Variants in ATP10B observed in about 807,000 individuals in gnomAD.
ATP10B encodes ATPase phospholipid transporting 10B (putative).
In ATP10B, 122 loss-of-function variants were observed where a neutral mutation model predicts 141.2. That is an observed-to-expected ratio of 0.86 (90% CI 0.75 to 1.00). The LOEUF is 1.00. Ranked by LOEUF, ATP10B falls within the 50% of genes least tolerant of loss-of-function variation. The pLI is 0.00. For synonymous variants in ATP10B, 685 were observed against 692.0 expected (o/e 0.99, Z 0.16); for missense variants, 1,876 against 1,825.3 (o/e 1.03, Z -0.51).
chr5:160,598,783 C>A lies in ATP10B; in HGVS notation c.3551G>T (p.Gly1184Val). ...LLALPELYKS[G>V]QNSECYNLST... is the part of the protein sequence containing the mutation. The stretch of plus-strand genomic sequence containing the variant: ...CGATCTCCTTACCTCAGAGTTCTGG[C>A]CACTCTTGTATAGCTCAGGCAATGC... The change falls in exon 22 of 26, where the codon GGC (glycine) becomes GTC (valine). Residue 1184 changes from glycine (G) to valine (V), a missense_variant. Physicochemically the swap from Gly to Val is moderately radical, Grantham distance 109. Coordinates refer to ENST00000327245, the MANE Select transcript of ATP10B (RefSeq NM_025153.3). The A allele has an allele frequency of 6.2e-7, 1 of 1,614,034 alleles. No individual in the cohort carries two copies. The highest frequency in any genetic ancestry group is 8.5e-7 in the Non-Finnish European group (1 of 1,179,960).
At chr5:160,789,311 A>ATT (rs75432273) in intron 1 of ATP10B, among the ~76,000 whole-genome samples, 1 of 152,080 alleles carries the variant, frequency 6.6e-6, no homozygotes, top group South Asian at 2.1e-4. Flanking sequence ...TCATTAGGTG[A>ATT]TTTTTTTATT....
chr5:160,663,595 C>T (rs1359644549), intron 7 of ATP10B, among the ~76,000 whole-genome samples: 1 of 151,898 alleles, frequency 6.6e-6, no homozygotes, highest in Admixed American at 6.5e-5. Context: ...ACATTGAGAA[C>T]ACATGGACAC....
chr5:160,838,628 T>TA (rs1228027024), intron 1 of ATP10B, among the ~76,000 whole-genome samples: 3 of 152,180 alleles, frequency 2.0e-5, no homozygotes, highest in African/African-American at 4.8e-5. Context: ...GAATAATGGT[T>TA]AGTAATGTAC....
At chr5:160,692,864 C>T (rs1231472897) in intron 3 of ATP10B, 1 of 152,188 alleles carries the variant, frequency 6.6e-6, no homozygotes, top group Non-Finnish European at 1.5e-5. Flanking sequence ...TTCGGTAGCC[C>T]TCCAATTAAA....
chr5:160,583,656 C>T (rs1755699213), intron 24 of ATP10B, among the ~76,000 whole-genome samples: 1 of 152,278 alleles, frequency 6.6e-6, no homozygotes, highest in Non-Finnish European at 1.5e-5. Context: ...GTGCTCTGTC[C>T]CAGGGAGAGG....
chr5:160,598,946 A>T lies in ATP10B; in HGVS notation c.3388T>A (p.Tyr1130Asn). 1 of 1,614,142 alleles carries T rather than the reference A, an allele frequency of 6.2e-7. No individual in the cohort carries two copies. The highest frequency in any genetic ancestry group is 8.5e-7 in the Non-Finnish European group (1 of 1,180,002). Residue 1130 changes from tyrosine (Y) to asparagine (N), a missense_variant, in exon 22 of 26, where the codon TAT becomes AAT. Physicochemically the swap from Tyr to Asn is moderately radical, Grantham distance 143 (BLOSUM62 -2). Coordinates refer to ENST00000327245, the MANE Select transcript of ATP10B (RefSeq NM_025153.3). ...NVCYVNLLFW[Y>N]QFFCGFSSST... Reference sequence around the variant, plus strand: ...CTGGAGAAACCACAGAAGAACTGATACCAGAAGAGCAGGTTGACGTAGCAC... The same window carrying T: ...CTGGAGAAACCACAGAAGAACTGATTCCAGAAGAGCAGGTTGACGTAGCAC...
intron 1 of ATP10B, 30 bp downstream of exon 1, chr5:160,851,911 A>G (rs1430494855): frequency 1.3e-5 from 2 of 152,192 alleles, no homozygotes; most frequent in Non-Finnish European, 2.9e-5. Context: ...CCCCCATTAT[A>G]TAGGTTAAGG....
chr5:160,663,412 G>T (rs1762080189), intron 7 of ATP10B, among the ~76,000 whole-genome samples: 1 of 152,056 alleles, frequency 6.6e-6, no homozygotes, highest in Non-Finnish European at 1.5e-5. Context: ...ATGATAGACT[G>T]GATTAAGAAA....
At chr5:160,825,556 T>C (rs1187021839) in intron 1 of ATP10B, among the ~76,000 whole-genome samples, 2 of 152,246 alleles carry the variant, frequency 1.3e-5, no homozygotes, top group African/African-American at 2.4e-5. Context: ...CTTGGGTATG[T>C]CTTTATCAGC....
chr5:160,767,645 C>CCCCCT (rs1021666988), intron 2 of ATP10B, among the ~76,000 whole-genome samples: 3 of 134,038 alleles, frequency 2.2e-5, no homozygotes, highest in Non-Finnish European at 4.9e-5. Flanking sequence ...ACCCCCCCCC[C>CCCCCT]CAAAATAACA....
intron 18 of ATP10B, among the ~76,000 whole-genome samples, chr5:160,609,671 C>T (rs1219892984): frequency 1.3e-5 from 2 of 152,172 alleles, no homozygotes; most frequent in Admixed American, 1.3e-4. Flanking sequence ...AGTCACTGCA[C>T]CCTGCCCTGG....
At chr5:160,626,693 A>G (rs1758630350) in intron 13 of ATP10B, among the ~76,000 whole-genome samples, 1 of 152,206 alleles carries the variant, frequency 6.6e-6, no homozygotes, top group Non-Finnish European at 1.5e-5. Flanking sequence ...AGCATTGGCA[A>G]TTCTGACAAA....
intron 22 of ATP10B, among the ~76,000 whole-genome samples, chr5:160,593,143 G>T (rs985871433): frequency 6.6e-6 from 1 of 152,224 alleles, no homozygotes; most frequent in African/African-American, 2.4e-5. Context: ...TGACCCCTGA[G>T]CAGCCTAACT....
At chr5:160,772,171 G>T (rs988888472) in intron 2 of ATP10B, among the ~76,000 whole-genome samples, 7 of 152,228 alleles carry the variant, frequency 4.6e-5, no homozygotes, top group African/African-American at 4.8e-5. Context: ...TATGGTAATT[G>T]TTTTTAGTTT....
At chr5:160,780,023 A>T (rs1198894425) in intron 2 of ATP10B, among the ~76,000 whole-genome samples, 1 of 152,258 alleles carries the variant, frequency 6.6e-6, no homozygotes, top group Admixed American at 6.5e-5. Context: ...TAATCTAGTC[A>T]GTACTTATCA....
intron 6 of ATP10B, among the ~76,000 whole-genome samples, 167 bp from the exon 7 acceptor site, chr5:160,670,834 T>C (rs1448106876): frequency 3.3e-5 from 5 of 152,130 alleles, no homozygotes; most frequent in Admixed American, 3.3e-4. Flanking sequence ...ATAATCTCTC[T>C]AGAATAGCTA....
In ATP10B at chr5:160,686,067, G is replaced by C; in HGVS notation, c.470+12C>G. ...CATTTGCAAGAGAGAACACAGGGAT[G>C]GTTTTTCTTACCTTTCATAAATTCG... On this transcript the variant is annotated intron_variant, in intron 6 of 25. Transcript: ENST00000327245. The C allele has an allele frequency of 6.5e-7, 1 of 1,542,128 alleles. No homozygotes were observed.
At position 160,589,475 on chromosome 5, in the gene ATP10B, G is replaced by C. The variant is rs1297511033; in HGVS notation, c.3750+117C>G. Reference sequence around the variant, plus strand: ...TGTACAGGTAGGACATAGGGTAGGAGCTTAGTATGTATTTATTGAGTGGAT... The same window carrying C: ...TGTACAGGTAGGACATAGGGTAGGACCTTAGTATGTATTTATTGAGTGGAT... On this transcript the variant is annotated intron_variant, in intron 24 of 25. Coordinates refer to ENST00000327245, the MANE Select transcript of ATP10B (RefSeq NM_025153.3). The C allele has an allele frequency of 5.1e-6, 4 of 785,818 alleles. No homozygotes were observed. The Admixed American group carries it at 8.0e-5, about 16-fold the overall frequency. The allele number at this position is 785,818 out of a possible 1,614,324, so 48.7% of individuals were successfully genotyped here.
the ATP10B span, among the ~76,000 whole-genome samples, chr5:160,874,281 C>T: frequency 4.6e-4 from 70 of 151,984 alleles, 1 homozygote; most frequent in East Asian, 0.013. Flanking sequence ...TACACTGACA[C>T]CTCACACGGC....
Sources: gnomAD v4.1 joint callset for allele counts (sites outside exome capture counted in the v4.1 genomes callset) on GRCh38, gnomAD v4.1.1 for gene constraint, MANE v1.5 for transcripts, NCBI Gene and HGNC (gene_info 2026-07-23, HGNC 2026-07-21) for gene names.